The following PRKD1 variants were observed in gnomAD, a reference collection of about 807,000 sequenced individuals.
The protein encoded by PRKD1 is protein kinase D1, also known as serine/threonine-protein kinase D1.
In PRKD1, 63 loss-of-function variants were observed where a neutral mutation model predicts 95.9. The ratio of observed to expected loss-of-function variants is 0.66; its 90% CI spans 0.54 to 0.81. PRKD1 has a LOEUF of 0.81. Ranked by LOEUF, PRKD1 falls within the 30% of genes least tolerant of loss-of-function variation. The pLI, the probability that PRKD1 is intolerant of heterozygous loss-of-function variation, is 0.00. For synonymous variants in PRKD1, 425 were observed against 423.1 expected, an observed-to-expected ratio of 1.00 and a Z score of -0.05; for missense variants, 1,048 against 1,165.3, an observed-to-expected ratio of 0.90 and a Z score of 1.47.
At chr14:29,918,433 C>T (rs1488339812) in intron 1 of PRKD1, among the ~76,000 whole-genome samples, 5 of 152,060 alleles carry the variant, frequency 3.3e-5, no homozygotes, top group African/African-American at 1.2e-4. Flanking sequence ...ACCATATGTA[C>T]AATTTGATTA....
rs370525058 is a variant in PRKD1 at position 29,801,707 on chromosome 14, A to G, written c.265-76033T>C. On this transcript the variant is annotated intron_variant, in intron 1 of 17. Coordinates refer to ENST00000331968, the MANE Select transcript of PRKD1 (RefSeq NM_002742.3). ...TTAGGGTCTACGTGTTTTTTTTTTT[A>G]GATGGAGTTTCGCTCTTGTTGCCCA... is the stretch of plus-strand genomic sequence containing the variant. Among the ~76,000 whole-genome samples the G allele has an allele frequency of 5.3e-5, 8 of 151,358 alleles. No homozygotes were observed. In the South Asian group the frequency reaches 1.0e-3, roughly 20 times the overall value.
At chr14:29,787,126 T>C (rs1889308844) in intron 1 of PRKD1, among the ~76,000 whole-genome samples, 1 of 152,014 alleles carries the variant, frequency 6.6e-6, no homozygotes, top group African/African-American at 2.4e-5. Context: ...TTCCCATGTA[T>C]TTGTATAGTT....
At chr14:29,884,287 C>A (rs1333204820) in intron 1 of PRKD1, among the ~76,000 whole-genome samples, 1 of 151,966 alleles carries the variant, frequency 6.6e-6, no homozygotes, top group Non-Finnish European at 1.5e-5. Flanking sequence ...ATAACAATAC[C>A]TCAAATTGAA....
chr14:29,751,000 G>A (rs1887456848), intron 1 of PRKD1, among the ~76,000 whole-genome samples: 1 of 152,042 alleles, frequency 6.6e-6, no homozygotes, highest in Non-Finnish European at 1.5e-5. Flanking sequence ...ACTTTTTTGT[G>A]GAGAGAATTA....
At chr14:29,677,954 T>G (rs1883330160) in intron 2 of PRKD1, among the ~76,000 whole-genome samples, 2 of 152,230 alleles carry the variant, frequency 1.3e-5, no homozygotes, top group Non-Finnish European at 1.5e-5. Flanking sequence ...TATTCCTTAT[T>G]ATTTTAAAAG....
intron 2 of PRKD1, among the ~76,000 whole-genome samples, chr14:29,719,186 A>G (rs1885768301): frequency 6.6e-6 from 1 of 152,150 alleles, no homozygotes; most frequent in Non-Finnish European, 1.5e-5. Flanking sequence ...ACCCTAAGAC[A>G]CTATTTCCAT....
intron 1 of PRKD1, among the ~76,000 whole-genome samples, chr14:29,801,965 G>A (rs1008864987): frequency 6.6e-6 from 1 of 152,240 alleles, no homozygotes; most frequent in Admixed American, 6.5e-5. Context: ...TGGGATTACA[G>A]GCATGAGCCA....
intron 2 of PRKD1, among the ~76,000 whole-genome samples, chr14:29,706,297 C>T (rs1374067907): frequency 6.6e-6 from 1 of 152,064 alleles, no homozygotes; most frequent in Non-Finnish European, 1.5e-5. Flanking sequence ...TTGGTTTCCC[C>T]ATTTCTTTTT....
At chr14:29,600,625 G>A (rs920481910) in intron 13 of PRKD1, among the ~76,000 whole-genome samples, 1 of 152,136 alleles carries the variant, frequency 6.6e-6, no homozygotes, top group Non-Finnish European at 1.5e-5. Flanking sequence ...GTTCTGCAGA[G>A]CCAAATGTGG....
intron 1 of PRKD1, among the ~76,000 whole-genome samples, chr14:29,728,518 C>A (rs35203886): frequency 0.18 from 27,309 of 152,116 alleles, 2,705 homozygotes; most frequent in South Asian, 0.26. Flanking sequence ...TAAATGAAAT[C>A]ATAAAATATG....
At chr14:29,834,945 A>G (rs1216610502) in intron 1 of PRKD1, among the ~76,000 whole-genome samples, 1 of 152,148 alleles carries the variant, frequency 6.6e-6, no homozygotes, top group East Asian at 1.9e-4. Context: ...ATTACCTCCT[A>G]TTACACAGCT....
At chr14:29,687,352 T>C (rs1361506439) in intron 2 of PRKD1, among the ~76,000 whole-genome samples, 16 of 152,062 alleles carry the variant, frequency 1.1e-4, no homozygotes, top group Admixed American at 1.0e-3. Context: ...GGAAGAGAAA[T>C]TGGTTGAGAT....
At chr14:29,664,112 A>C (rs1012180176) in intron 3 of PRKD1, among the ~76,000 whole-genome samples, 12 of 152,190 alleles carry the variant, frequency 7.9e-5, no homozygotes, top group African/African-American at 2.9e-4. Flanking sequence ...GTGATATAAC[A>C]GTCTTAGGCT....
intron 17 of PRKD1, 117 bp downstream of exon 17, chr14:29,578,158 A>G: frequency 1.3e-6 from 1 of 798,906 alleles, no homozygotes; most frequent in Non-Finnish European, 2.0e-6. Flanking sequence ...TTGAGCAAAT[A>G]AATTGATATT....
chr14:29,678,174 C>T (rs990689383), intron 2 of PRKD1, among the ~76,000 whole-genome samples: 1 of 152,040 alleles, frequency 6.6e-6, no homozygotes. Context: ...AGAATTTTTG[C>T]ATCCAGGAGA....
chr14:29,723,163 T>C (rs1594459640), intron 2 of PRKD1, among the ~76,000 whole-genome samples: 1 of 152,138 alleles, frequency 6.6e-6, no homozygotes, highest in African/African-American at 2.4e-5. Context: ...AATGAGTACT[T>C]AAAATGGAAA....
chr14:29,713,385 G>T (rs551595049), intron 2 of PRKD1, among the ~76,000 whole-genome samples: 1 of 152,184 alleles, frequency 6.6e-6, no homozygotes, highest in South Asian at 2.1e-4. Context: ...TAAACATCAA[G>T]GAATCTACCA....
chr14:29,644,659 C>G (rs1454459280), intron 4 of PRKD1, among the ~76,000 whole-genome samples: 1 of 151,690 alleles, frequency 6.6e-6, no homozygotes, highest in Admixed American at 6.6e-5. Flanking sequence ...AAATGGAGAC[C>G]TTTGAGGTTA....
intron 2 of PRKD1, among the ~76,000 whole-genome samples, chr14:29,672,509 G>A (rs1882920295): frequency 6.6e-6 from 1 of 151,980 alleles, no homozygotes; most frequent in South Asian, 2.1e-4. Context: ...AAAACTAGAA[G>A]AGAACAGAGT....
Sources: allele counts gnomAD v4.1 joint callset (sites outside exome capture counted in the v4.1 genomes callset), GRCh38; gene constraint gnomAD v4.1.1; transcripts MANE v1.5; gene names NCBI Gene and HGNC (gene_info 2026-07-23, HGNC 2026-07-21).